AHCTF1: variants seen among roughly 807,000 people sequenced by gnomAD.
AHCTF1 encodes AT-hook containing transcription factor 1.
In AHCTF1, 24 loss-of-function variants were observed where a neutral mutation model predicts 248.4. The observed-to-expected ratio is 0.10, with a 90% CI of 0.07 to 0.14. The LOEUF (loss-of-function observed/expected upper bound fraction) is 0.14, where lower values mean the gene tolerates loss of function less well. AHCTF1 is among the 10% of genes least tolerant of loss of function. The pLI, the probability that AHCTF1 is intolerant of heterozygous loss-of-function variation, is 1.00. For missense variants in AHCTF1, 2,206 were observed against 2,636.2 expected (o/e 0.84, Z 3.57); for synonymous variants, 786 against 929.8 (o/e 0.85, Z 2.81).
chr1:246,912,193 A>C (rs553858912), intron 4 of AHCTF1, among the ~76,000 whole-genome samples: 19 of 152,166 alleles, frequency 1.2e-4, no homozygotes, highest in African/African-American at 3.9e-4. Context: ...AAAATCAAGA[A>C]TGTGCCGGGT....
chr1:246,876,532 G>T (rs773063085), intron 23 of AHCTF1, among the ~76,000 whole-genome samples: 5 of 152,168 alleles, frequency 3.3e-5, no homozygotes, highest in Non-Finnish European at 7.4e-5. Flanking sequence ...GTTGATAAAA[G>T]CAAGACTCAG....
rs368307524 is a variant in AHCTF1 at position 246,840,950 on chromosome 1, C to T, written c.6657G>A (p.Arg2219=). The T allele has an allele frequency of 1.9e-6, 3 of 1,611,956 alleles. No homozygotes were observed. In the East Asian group the frequency reaches 6.7e-5, roughly 36 times the overall value. ...SAWSPPPIEI[R]LISPLASPAD... The stretch of plus-strand genomic sequence containing the variant: ...CTGGGCTAGCCAAGGGGGAAATCAG[C>T]CGAATTTCTATGGGAGGAGGTGACC... The change falls in exon 36 of 36, where the codon CGG becomes CGA. Residue 2219 remains arginine (R), a synonymous_variant. Transcript: ENST00000648844.
At chr1:246,841,853 G>A (rs942830544) in intron 35 of AHCTF1, among the ~76,000 whole-genome samples, 2 of 151,750 alleles carry the variant, frequency 1.3e-5, no homozygotes, top group African/African-American at 4.8e-5. Flanking sequence ...GTGCAGTGGC[G>A]TGATCTTGGC....
Position 246,861,034 on chromosome 1 carries a change from T to A in AHCTF1, c.3997A>T (p.Thr1333Ser), listed in dbSNP as rs768553760. 1.9e-6 allele frequency: 3 copies of A among 1,613,960 alleles called. No individual in the cohort carries two copies. The highest frequency in any genetic ancestry group is 1.1e-5 in the South Asian group (1 of 91,060). ...DAPSPEDLEE[T>S]VFTASKPKSS... is the part of the protein sequence containing the mutation. ...TTGGGCTTAGAGGCCGTGAAAACAG[T>A]CTCTTCAAGGTCTTCCGGTGACGGT... The change falls in exon 29 of 36, where the codon ACT (threonine) becomes TCT (serine). Residue 1333 changes from threonine (T) to serine (S), a missense_variant. By Grantham distance (58) the Thr-to-Ser change is moderately conservative. Around this residue, in one of 6 missense-constraint regions of AHCTF1, gnomAD observed 955 missense variants for 1,055.6 expected, o/e 0.90. Transcript: ENST00000648844.
chr1:246,844,997 C>G (rs1660145988), intron 33 of AHCTF1, among the ~76,000 whole-genome samples: 1 of 152,142 alleles, frequency 6.6e-6, no homozygotes, highest in African/African-American at 2.4e-5. Flanking sequence ...ATAGTAGCAT[C>G]TATCTCAAAG....
chr1:246,878,396 CAAAAAAAAAAAAAAAAAA>C (rs1199465751), intron 21 of AHCTF1, among the ~76,000 whole-genome samples: 1 of 30,776 alleles, frequency 3.2e-5, no homozygotes, highest in African/African-American at 1.2e-4. Flanking sequence ...GATTCTGTCT[CAAAAAAAAAAAAAAAAAA>C]AAAAAAAAAA....
chr1:246,908,102 C>A (rs1031912399), intron 4 of AHCTF1, among the ~76,000 whole-genome samples: 1 of 151,962 alleles, frequency 6.6e-6, no homozygotes, highest in Non-Finnish European at 1.5e-5. Flanking sequence ...AAATACCTTC[C>A]TTGGAGCAAT....
rs114433508 is a variant in AHCTF1 at position 246,908,610 on chromosome 1, G to A, written c.557-852C>T. Among the ~76,000 whole-genome samples, 1,392 of 151,892 alleles carry A rather than the reference G, an allele frequency of 9.2e-3. 27 individuals are homozygous for A. Among genetic ancestry groups the A allele is most frequent in the African/African-American group, 0.031 (1,276 of 41,396 alleles). On this transcript the variant is annotated intron_variant, in intron 4 of 35. Coordinates refer to ENST00000648844, the MANE Select transcript of AHCTF1 (RefSeq NM_001323342.2). ...GGGACTTATCCAAGAATCTTAGGCC[G>A]GGCACGGTGGCTCACGCCTGTAATC...
In AHCTF1 at chr1:246,927,020, G is replaced by A. The variant is rs185360018; in HGVS notation, c.-8+4558C>T. On this transcript the variant is annotated intron_variant, in intron 1 of 35. Transcript: ENST00000648844. The stretch of plus-strand genomic sequence containing the variant: ...AAATCCCGTCTCTACTAAAAATACA[G>A]AAACAAAATTAGCAGGGCGTGGTGA... Among the ~76,000 whole-genome samples the A allele has an allele frequency of 3.4e-3, 519 of 150,694 alleles. 2 individuals carry two copies. Among genetic ancestry groups the A allele is most frequent in the African/African-American group, 7.5e-3 (307 of 41,008 alleles).
rs1558251519 is a variant in AHCTF1, at chr1:246,890,055, A to G, written c.2055T>C (p.Asp685=). The change falls in exon 17 of 36, where the codon GAT becomes GAC. Residue 685 remains aspartate, a synonymous_variant. Transcript: ENST00000648844. ...HSGLLPEGID[D]SVQLSRLCYN... ...AGCATAACCTTGACAACTGCACAGA[A>G]TCATCTAGATTTTTAAGAGTTGGAA... 2 of 1,608,100 alleles carry G rather than the reference A, an allele frequency of 1.2e-6. No individual in the cohort carries two copies. The highest frequency in any genetic ancestry group is 4.5e-5 in the East Asian group (2 of 44,720).
At chr1:246,870,122 G>T (rs910588283) in intron 24 of AHCTF1, among the ~76,000 whole-genome samples, 12 of 152,166 alleles carry the variant, frequency 7.9e-5, no homozygotes, top group Admixed American at 5.9e-4. Flanking sequence ...TGCAGATATG[G>T]GGGAAAGAGC....
chr1:246,893,970 C>T (rs1156801753), intron 14 of AHCTF1, among the ~76,000 whole-genome samples: 1 of 151,980 alleles, frequency 6.6e-6, no homozygotes, highest in Admixed American at 6.6e-5. Context: ...TTGGAAGGCC[C>T]AGGCAGGAGG....
At chr1:246,920,160 A>G (rs994810004) in intron 1 of AHCTF1, among the ~76,000 whole-genome samples, 4 of 150,162 alleles carry the variant, frequency 2.7e-5, no homozygotes, top group South Asian at 2.1e-4. Context: ...AAAAAAAAAA[A>G]AAAAAAAAGA....
chr1:246,906,571 G>C (rs1665408225), intron 5 of AHCTF1, among the ~76,000 whole-genome samples: 1 of 151,894 alleles, frequency 6.6e-6, no homozygotes, highest in South Asian at 2.1e-4. Context: ...AACAGAGTGA[G>C]ACCCCACCCC....
intron 26 of AHCTF1, among the ~76,000 whole-genome samples, chr1:246,866,358 A>G (rs1216546775): frequency 1.3e-5 from 2 of 152,194 alleles, no homozygotes; most frequent in African/African-American, 4.8e-5. Context: ...GAAAAAAAGA[A>G]TGTCGGTAAT....
intron 31 of AHCTF1, among the ~76,000 whole-genome samples, chr1:246,854,599 T>C (rs770891984): frequency 7.2e-5 from 11 of 152,232 alleles, no homozygotes; most frequent in Admixed American, 1.3e-4. Flanking sequence ...GTTGCTTTTT[T>C]GATAATGATC....
At chr1:246,869,252 TC>T (rs1443135175) in intron 24 of AHCTF1, among the ~76,000 whole-genome samples, 2 of 151,960 alleles carry the variant, frequency 1.3e-5, no homozygotes, top group East Asian at 1.9e-4. Context: ...GACTAACTGT[TC>T]CCCCGCGTCT....
rs780436531 is a variant in AHCTF1, at chr1:246,861,124, C to A, written c.3907G>T (p.Val1303Leu). 2 of 1,613,884 alleles carry A rather than the reference C, an allele frequency of 1.2e-6. No homozygotes were observed. The highest frequency in any genetic ancestry group is 2.7e-5 in the African/African-American group (2 of 74,924). Residue 1303 changes from valine to leucine, a missense_variant, in exon 29 of 36, where the codon GTG becomes TTG. Transcript: ENST00000648844. ...GAAACACTGCTGTTTCCTTTGCTCACATCCAGTTTCTCTAAACTTTGTGAC... is the reference window on the plus strand; with the variant it reads ...GAAACACTGCTGTTTCCTTTGCTCAAATCCAGTTTCTCTAAACTTTGTGAC... ...EGSQSLEKLD[V>L]SKGNSSVSIT...
intron 31 of AHCTF1, 133 bp downstream of exon 31, chr1:246,855,596 GC>G: frequency 1.5e-6 from 1 of 665,994 alleles, no homozygotes; most frequent in Non-Finnish European, 2.5e-6. Context: ...CACCAGGAAA[GC>G]TGACCAGAGA....
Sources: allele counts gnomAD v4.1 joint callset (sites outside exome capture counted in the v4.1 genomes callset), GRCh38; gene constraint gnomAD v4.1.1; regional missense constraint gnomAD v4.1.1; transcripts MANE v1.5; gene names NCBI Gene and HGNC (gene_info 2026-07-23, HGNC 2026-07-21).